The following SFI1 variants were observed in gnomAD, a reference collection of about 807,000 sequenced individuals.
SFI1 encodes SFI1 centrin binding protein.
A neutral mutation model predicts 207.5 loss-of-function variants in SFI1; 195 were observed. That is an observed-to-expected ratio of 0.94 (90% CI 0.84 to 1.06). The LOEUF (loss-of-function observed/expected upper bound fraction) is 1.06. SFI1 is among the 50% of genes least tolerant of loss of function. The probability of loss-of-function intolerance (pLI) is 0.00; values close to 1 mark genes in which losing one functional copy is unlikely to be tolerated. For synonymous variants in SFI1, 630 were observed against 598.9 expected, an observed-to-expected ratio of 1.05 and a Z score of -0.76; for missense variants, 1,634 against 1,588.0, an observed-to-expected ratio of 1.03 and a Z score of -0.49.
intron 2 of SFI1, among the ~76,000 whole-genome samples, chr22:31,516,736 C>T (rs990744653): frequency 6.6e-6 from 1 of 151,746 alleles, no homozygotes; most frequent in Admixed American, 6.6e-5. Flanking sequence ...GGGCGGATCA[C>T]CTGAGGTCGG....
In SFI1 at chr22:31,618,188, C is replaced by A; in HGVS notation, c.3586C>A (p.Gln1196Lys). 1 of 1,596,882 alleles carries A rather than the reference C, an allele frequency of 6.3e-7. No individual in the cohort carries two copies. Among genetic ancestry groups the A allele is most frequent in the Admixed American group, 1.8e-5 (1 of 56,282 alleles). Residue 1196 changes from glutamine (Q) to lysine (K), a missense_variant, in exon 32 of 33, where the codon CAG (glutamine) becomes AAG (lysine). Physicochemically the swap from Gln to Lys is moderately conservative, Grantham distance 53. Transcript: ENST00000400288. ...LNREEPGPED[Q>K]EVEQQVQKEL... ...CAGAGAGGAGCCGGGGCCTGAGGAC[C>A]AGGAAGTAGAGCAGCAGGTGCAGAA... is the stretch of plus-strand genomic sequence containing the variant.
chr22:31,553,648 CAG>C (rs1206483474), intron 6 of SFI1, among the ~76,000 whole-genome samples: 1 of 150,052 alleles, frequency 6.7e-6, no homozygotes, highest in South Asian at 2.1e-4. Context: ...GCTGGGACCA[CAG>C]GGGTGAGCCA....
chr22:31,523,464 C>A (rs1180392723), intron 2 of SFI1, among the ~76,000 whole-genome samples: 1 of 152,120 alleles, frequency 6.6e-6, no homozygotes, highest in Non-Finnish European at 1.5e-5. Flanking sequence ...ATTGTGGTTC[C>A]ATAAATTTAT....
Position 31,557,046 on chromosome 22 carries a change from C to A in SFI1, c.649C>A (p.Arg217=). 6.2e-7 allele frequency: 1 copy of A among 1,603,698 alleles called. No homozygotes were observed. Among genetic ancestry groups the A allele is most frequent in the Non-Finnish European group, 8.5e-7 (1 of 1,173,498 alleles). The change falls in exon 7 of 33, where the codon CGG becomes AGG. Residue 217 remains arginine (R), a synonymous_variant. Coordinates refer to ENST00000400288, the MANE Select transcript of SFI1 (RefSeq NM_001007467.3). ...MQTTALEFRQ[R]IILRVWWSTW... ...GACTACAGCTCTGGAGTTTAGGCAA[C>A]GGATTATCTTACGGTGAGTCTGCTC...
intron 6 of SFI1, 159 bp downstream of exon 6, chr22:31,550,507 G>T (rs1368453689): frequency 1.7e-6 from 1 of 604,358 alleles, no homozygotes; most frequent in Non-Finnish European, 2.9e-6. Flanking sequence ...TGATCTCTGA[G>T]TGGGCACCTG....
In SFI1 at chr22:31,613,482, C is replaced by G; in HGVS notation, c.2694C>G (p.Ala898=). ...EGATRLLRFA[A]SMKASRQQLQ... ...CCACGCGGCTCCTGCGCTTTGCAGC[C>G]AGCATGAAGGCCTCCCGGCAGCAGC... is the stretch of plus-strand genomic sequence containing the variant. The change falls in exon 26 of 33, where the codon GCC becomes GCG. Residue 898 remains alanine (A), a synonymous_variant. Transcript: ENST00000400288. 1.9e-6 allele frequency: 3 copies of G among 1,599,480 alleles called. No homozygotes were observed. The highest frequency in any genetic ancestry group is 1.7e-6 in the Non-Finnish European group (2 of 1,176,990).
At chr22:31,546,426 G>T (rs895633132) in intron 4 of SFI1, among the ~76,000 whole-genome samples, 1 of 151,964 alleles carries the variant, frequency 6.6e-6, no homozygotes, top group Non-Finnish European at 1.5e-5. Context: ...TGCCTCCCGG[G>T]TTCAAGCAAT....
At chr22:31,568,229 T>A (rs1182744394) in intron 8 of SFI1, among the ~76,000 whole-genome samples, 44 of 145,332 alleles carry the variant, frequency 3.0e-4, no homozygotes, top group Non-Finnish European at 4.2e-4. Flanking sequence ...TATATATATT[T>A]TTTTTTTTTT....
At chr22:31,565,720 G>A (rs1377104377) in intron 8 of SFI1, among the ~76,000 whole-genome samples, 1 of 151,414 alleles carries the variant, frequency 6.6e-6, no homozygotes, top group African/African-American at 2.4e-5. Flanking sequence ...AAATAAATAA[G>A]TAAATGGTAT....
chr22:31,599,137 T>A (rs969578953), intron 15 of SFI1, among the ~76,000 whole-genome samples: 4 of 149,190 alleles, frequency 2.7e-5, no homozygotes, highest in Non-Finnish European at 6.0e-5. Flanking sequence ...GGGTCCTCCC[T>A]AAGAAATATT....
chr22:31,616,877 G>GGT lies in SFI1; in HGVS notation c.3433+5_3433+6dup. 1.2e-6 allele frequency: 2 copies of GGT among 1,610,198 alleles called. No individual in the cohort carries two copies. Among genetic ancestry groups the GGT allele is most frequent in the Non-Finnish European group, 1.7e-6 (2 of 1,177,958 alleles). ...GGCTGGGCCTGGACTTTCAACTGCA[G>GGT]GTGTGTACCTGGGGCCTGTCAGGGC... On this transcript the variant is annotated frameshift_variant and splice_region_variant. Coordinates refer to ENST00000400288, the MANE Select transcript of SFI1 (RefSeq NM_001007467.3). LOFTEE classifies it high-confidence loss of function.
At chr22:31,606,618 C>G in intron 21 of SFI1, 188 bp downstream of exon 21, 1 of 533,522 alleles carries the variant, frequency 1.9e-6, no homozygotes, top group Non-Finnish European at 3.3e-6. Context: ...GAATTACAAA[C>G]CAATATGCAT....
intron 13 of SFI1, 101 bp from the exon 14 acceptor site, chr22:31,584,967 G>A: frequency 1.2e-6 from 1 of 822,956 alleles, no homozygotes; most frequent in Non-Finnish European, 2.0e-6. Context: ...AAGCCCATGG[G>A]GTGCCTTTAA....
intron 7 of SFI1, 138 bp downstream of exon 7, chr22:31,557,197 G>A (rs1045966812): frequency 6.5e-6 from 4 of 613,190 alleles, no homozygotes; most frequent in African/African-American, 5.6e-5. Context: ...TGTTTTTTTC[G>A]AGATAGGGTC....
chr22:31,581,351 C>T (rs774360268), intron 12 of SFI1, among the ~76,000 whole-genome samples: 4 of 150,224 alleles, frequency 2.7e-5, no homozygotes, highest in East Asian at 2.0e-4. Context: ...TGCAGTGGTG[C>T]GATCTCAACT....
intron 14 of SFI1, 51 bp downstream of exon 14, chr22:31,585,185 C>T: frequency 6.7e-7 from 1 of 1,495,300 alleles, no homozygotes; most frequent in Non-Finnish European, 9.3e-7. Context: ...TTCTTGGACC[C>T]ATTTGCTTTG....
At chr22:31,571,023 G>A (rs953140344) in intron 8 of SFI1, among the ~76,000 whole-genome samples, 3 of 152,140 alleles carry the variant, frequency 2.0e-5, no homozygotes, top group South Asian at 2.1e-4. Flanking sequence ...CTGTGGGAGC[G>A]GGCTCAAGAA....
At chr22:31,597,664 T>C (rs2067351180) in intron 15 of SFI1, among the ~76,000 whole-genome samples, 1 of 152,218 alleles carries the variant, frequency 6.6e-6, no homozygotes. Context: ...GAACTGTCCC[T>C]GTGGCCCCTG....
chr22:31,517,610 C>T (rs1266842908), intron 2 of SFI1, among the ~76,000 whole-genome samples: 4 of 152,090 alleles, frequency 2.6e-5, no homozygotes, highest in African/African-American at 9.7e-5. Context: ...ATTGTCCAGA[C>T]CTCCTGAAAT....
Sources: allele counts gnomAD v4.1 joint callset (sites outside exome capture counted in the v4.1 genomes callset), GRCh38; gene constraint gnomAD v4.1.1; transcripts MANE v1.5; gene names NCBI Gene and HGNC (gene_info 2026-07-23, HGNC 2026-07-21).